The following COL11A1 variants were observed in gnomAD, a reference collection of about 807,000 sequenced individuals.
The protein encoded by COL11A1 is collagen alpha-1(XI) chain.
In COL11A1, 74 loss-of-function variants were observed where a neutral mutation model predicts 265.2. The ratio of observed to expected loss-of-function variants is 0.28; its 90% CI spans 0.23 to 0.34. The LOEUF is 0.34. Among genes scored for constraint, COL11A1 ranks in the 10% least tolerant of loss-of-function variants. COL11A1 has a pLI of 1.00. For missense variants in COL11A1, 2,165 were observed against 2,263.6 expected, an observed-to-expected ratio of 0.96 and a Z score of 0.88; for synonymous variants, 816 against 727.6, an observed-to-expected ratio of 1.12 and a Z score of -1.96.
intron 4 of COL11A1, among the ~76,000 whole-genome samples, chr1:103,045,992 C>T (rs976188560): frequency 2.0e-5 from 3 of 147,054 alleles, no homozygotes; most frequent in Non-Finnish European, 4.5e-5. Context: ...GTATATGTGC[C>T]ACATTTTTCT....
At chr1:103,019,961 G>C (rs1666881914) in intron 9 of COL11A1, among the ~76,000 whole-genome samples, 2 of 143,142 alleles carry the variant, frequency 1.4e-5, no homozygotes, top group African/African-American at 5.1e-5. Context: ...GTGTATATGT[G>C]CCACATTTTC....
At chr1:102,976,840 T>C (rs1490147035) in intron 35 of COL11A1, among the ~76,000 whole-genome samples, 1 of 152,164 alleles carries the variant, frequency 6.6e-6, no homozygotes, top group Non-Finnish European at 1.5e-5. Context: ...CTTGGTTCTG[T>C]TGTTCCATTT....
intron 4 of COL11A1, among the ~76,000 whole-genome samples, chr1:103,047,951 G>A (rs1557994578): frequency 6.6e-6 from 1 of 152,178 alleles, no homozygotes; most frequent in Non-Finnish European, 1.5e-5. Context: ...CAGGGATGAA[G>A]CCCACTTGAT....
Position 102,984,214 on chromosome 1 carries a change from T to A in COL11A1, c.2503-23A>T, listed in dbSNP as rs749082801. On this transcript the variant is annotated intron_variant, in intron 30 of 66. Transcript: ENST00000370096. Reference sequence around the variant, plus strand: ...TCCCTACAGTTAAAATATATAATAATCAAAGTAATATTTTAAGTTGAATTA... The same window carrying A: ...TCCCTACAGTTAAAATATATAATAAACAAAGTAATATTTTAAGTTGAATTA... The A allele has an allele frequency of 2.1e-6, 3 of 1,452,386 alleles. No homozygotes were observed. The African/African-American group carries it at 4.3e-5, about 21-fold the overall frequency. The allele number at this position is 1,452,386 out of a possible 1,614,324, so 90.0% of individuals were successfully genotyped here. A position where few individuals can be genotyped will look rare whatever the true frequency, so the allele number is the denominator to read the frequency against.
chr1:102,996,954 A>C, intron 26 of COL11A1, 126 bp downstream of exon 26: 1 of 794,872 alleles, frequency 1.3e-6, no homozygotes, highest in Non-Finnish European at 2.2e-6. Context: ...AAAGTAGTCT[A>C]AGATATCTTT....
chr1:103,063,883 A>C (rs1670865781), intron 4 of COL11A1, among the ~76,000 whole-genome samples: 1 of 152,238 alleles, frequency 6.6e-6, no homozygotes, highest in Admixed American at 6.5e-5. Flanking sequence ...AATCTGACTT[A>C]AAAATGCACA....
At chr1:102,997,549 C>A (rs763507399) in intron 25 of COL11A1, among the ~76,000 whole-genome samples, 1 of 151,726 alleles carries the variant, frequency 6.6e-6, no homozygotes, top group East Asian at 1.9e-4. Context: ...GAAAATACAG[C>A]GAGATCATAA....
chr1:103,076,568 G>C (rs1003824024), intron 3 of COL11A1, among the ~76,000 whole-genome samples: 2 of 152,032 alleles, frequency 1.3e-5, no homozygotes, highest in Non-Finnish European at 2.9e-5. Context: ...ACCCAGGCAG[G>C]ATTGTTCTTT....
intron 63 of COL11A1, 94 bp downstream of exon 63, chr1:102,886,711 CTG>C: frequency 1.4e-6 from 2 of 1,470,236 alleles, no homozygotes; most frequent in Admixed American, 3.4e-5. Context: ...TATTTAGAGA[CTG>C]TATTAAACAT....
At position 102,998,280 on chromosome 1, in the gene COL11A1, A is replaced by G. The variant is rs763223315; in HGVS notation, c.2196+30T>C. 7 of 1,579,136 alleles carry G rather than the reference A, an allele frequency of 4.4e-6. 1 individual carries two copies. The African/African-American group carries it at 8.1e-5, about 18-fold the overall frequency. ...TCTATTTTTAAAGATAATGTAAAGA[A>G]ATTTTAATGACCAGGTAGCTGTTAC... On this transcript the variant is annotated intron_variant, in intron 25 of 66. Transcript: ENST00000370096.
At chr1:103,001,032 T>G in intron 24 of COL11A1, 1 of 394,542 alleles carries the variant, frequency 2.5e-6, no homozygotes, top group East Asian at 3.6e-5. Context: ...AATCATAAAT[T>G]TATTCATAAG....
intron 46 of COL11A1, among the ~76,000 whole-genome samples, chr1:102,927,549 C>T (rs72683270): frequency 0.024 from 3,587 of 151,934 alleles, 73 homozygotes; most frequent in South Asian, 0.067. Flanking sequence ...ACCCCGTCTC[C>T]GGAGAATGGC....
chr1:103,011,925 A>G (rs970039222), intron 14 of COL11A1, among the ~76,000 whole-genome samples: 1 of 152,160 alleles, frequency 6.6e-6, no homozygotes, highest in Admixed American at 6.5e-5. Context: ...AATTTCTACA[A>G]GAGAAAATAC....
At chr1:103,090,304 A>G (rs1357982163) in intron 1 of COL11A1, among the ~76,000 whole-genome samples, 1 of 152,182 alleles carries the variant, frequency 6.6e-6, no homozygotes, top group Non-Finnish European at 1.5e-5. Context: ...AAAATAATAC[A>G]GAAGAAAGTT....
chr1:103,060,974 C>A (rs72685208), intron 4 of COL11A1, among the ~76,000 whole-genome samples: 15,440 of 149,594 alleles, frequency 0.1, 867 homozygotes, highest in South Asian at 0.12. Flanking sequence ...CAGAGTGGAT[C>A]AAAAAAAAAC....
At chr1:103,078,222 G>A (rs1161703050) in intron 3 of COL11A1, among the ~76,000 whole-genome samples, 2 of 152,020 alleles carry the variant, frequency 1.3e-5, no homozygotes. Context: ...TATCCTTGAT[G>A]TTGCTTGGAA....
In COL11A1 at chr1:102,965,539, C is replaced by A; in HGVS notation, c.2864G>T (p.Gly955Val). Reference protein sequence around the residue: ...PGHPGQRGETGFQGKTGPPGP... With the variant: ...PGHPGQRGETVFQGKTGPPGP... ...AGGAGGGCCGGTCTTGCCTTGAAAT[C>A]CCTAAGGAGGCAAAGTATTATTTGT... Residue 955 changes from glycine to valine, a missense_variant and splice_region_variant, in exon 38 of 67, where the codon GGA becomes GTA. By Grantham distance (109) the Gly-to-Val change is moderately radical. Coordinates refer to ENST00000370096, the MANE Select transcript of COL11A1 (RefSeq NM_001854.4). 1 of 1,613,260 alleles carries A rather than the reference C, an allele frequency of 6.2e-7. No homozygotes were observed. The highest frequency in any genetic ancestry group is 8.5e-7 in the Non-Finnish European group (1 of 1,179,404).
chr1:102,959,576 T>C (rs530463746), intron 41 of COL11A1, among the ~76,000 whole-genome samples: 102 of 152,334 alleles, frequency 6.7e-4, no homozygotes, highest in Non-Finnish European at 1.1e-3. Flanking sequence ...CAGTGCTATT[T>C]AGTCTTTGGT....
intron 13 of COL11A1, 109 bp downstream of exon 13, chr1:103,014,402 T>C: frequency 1.1e-6 from 1 of 937,688 alleles, no homozygotes; most frequent in South Asian, 1.4e-5. Context: ...AACACAGTAT[T>C]CGGAAGTAAA....
Sources: allele counts gnomAD v4.1 joint callset (sites outside exome capture counted in the v4.1 genomes callset), GRCh38; gene constraint gnomAD v4.1.1; transcripts MANE v1.5; gene names NCBI Gene and HGNC (gene_info 2026-07-23, HGNC 2026-07-21).